The following PALLD variants were observed in gnomAD, a reference collection of about 807,000 sequenced individuals.
PALLD encodes palladin.
In PALLD, 61 loss-of-function variants were observed where a neutral mutation model predicts 123.5. That is an observed-to-expected ratio of 0.49 (90% confidence interval 0.40 to 0.61). PALLD has a LOEUF of 0.61. PALLD is among the 20% of genes least tolerant of loss of function. The pLI is 0.00. For synonymous variants in PALLD, 465 were observed against 496.4 expected, an observed-to-expected ratio of 0.94 and a Z score of 0.84; for missense variants, 1,273 against 1,377.0, an observed-to-expected ratio of 0.92 and a Z score of 1.20.
chr4:168,922,948 A>G (rs190056783), intron 18 of PALLD, among the ~76,000 whole-genome samples: 8 of 152,318 alleles, frequency 5.3e-5, no homozygotes, highest in Admixed American at 4.6e-4. Flanking sequence ...CTAGTGTGAC[A>G]TTTGGCAAAT....
intron 2 of PALLD, among the ~76,000 whole-genome samples, chr4:168,563,313 CA>C (rs1768046675): frequency 6.6e-6 from 1 of 152,132 alleles, no homozygotes. Flanking sequence ...TTACATAAGG[CA>C]GTTAAAGGCA....
At chr4:168,794,506 G>GCA (rs57496563) in intron 10 of PALLD, among the ~76,000 whole-genome samples, 7,185 of 143,784 alleles carry the variant, frequency 0.05, 175 homozygotes, top group Non-Finnish European at 0.061. Flanking sequence ...ACACACACAC[G>GCA]CACACACACA....
chr4:168,832,167 C>T (rs1744327959), intron 10 of PALLD: 20 of 985,500 alleles, frequency 2.0e-5, no homozygotes, highest in Non-Finnish European at 2.4e-5. Context: ...GCCCGGAGAG[C>T]CGAGGTAGGC....
intron 2 of PALLD, among the ~76,000 whole-genome samples, chr4:168,633,746 A>G (rs948607528): frequency 1.3e-5 from 2 of 152,134 alleles, no homozygotes; most frequent in Non-Finnish European, 1.5e-5. Context: ...TTTTCTTTAA[A>G]ACTCCCACTT....
intron 2 of PALLD, among the ~76,000 whole-genome samples, chr4:168,641,468 G>A (rs2149872283): frequency 6.6e-6 from 1 of 152,298 alleles, no homozygotes; most frequent in Non-Finnish European, 1.5e-5. Flanking sequence ...GATCCAGACA[G>A]TAGCTCAGAG....
chr4:168,581,106 C>T (rs1209574049), intron 2 of PALLD, among the ~76,000 whole-genome samples: 1 of 151,742 alleles, frequency 6.6e-6, no homozygotes, highest in Non-Finnish European at 1.5e-5. Flanking sequence ...CAAACCTGAA[C>T]ATGTACCCCT....
chr4:168,730,640 G>A (rs1312495877), intron 10 of PALLD, among the ~76,000 whole-genome samples: 8 of 152,016 alleles, frequency 5.3e-5, no homozygotes, highest in Non-Finnish European at 1.2e-4. Flanking sequence ...CTAGGATTGG[G>A]CAAGACCCCC....
chr4:168,576,684 C>T (rs550671997), intron 2 of PALLD, among the ~76,000 whole-genome samples: 8 of 152,072 alleles, frequency 5.3e-5, no homozygotes, highest in Admixed American at 2.0e-4. Context: ...TGAATAGTGC[C>T]GCAATAAACA....
At chr4:168,760,693 T>C (rs1424168458) in intron 10 of PALLD, among the ~76,000 whole-genome samples, 2 of 152,214 alleles carry the variant, frequency 1.3e-5, no homozygotes, top group Admixed American at 6.5e-5. Context: ...GGAAAATTCT[T>C]TGGCTTCAAA....
rs1255547039 is a variant in PALLD at position 168,694,986 on chromosome 4, TACTC to T, written c.1501+3700_1501+3703del. Among the ~76,000 whole-genome samples the T allele has an allele frequency of 7.2e-5, 11 of 152,368 alleles. No homozygotes were observed. The South Asian group carries it at 1.9e-3, about 26-fold the overall frequency. On this transcript the variant is annotated intron_variant, in intron 8 of 21. Coordinates refer to ENST00000505667, the MANE Select transcript of PALLD (RefSeq NM_001166108.2). ...TGACAGCTGTTAATACTCAGTCTCT[TACTC>T]ACTCAGCTGTCTGGAAACAGCCACA...
In PALLD at chr4:168,511,680, A is replaced by T; in HGVS notation, c.176A>T (p.Asp59Val). Residue 59 changes from aspartate to valine, a missense_variant, in exon 2 of 22, where the codon GAC becomes GTC. Transcript: ENST00000505667. ...GCCGACTCCGAAACAGAAGATTTTGACTCGGAAAAGGAGATCTCGCAGATT... is the reference window on the plus strand; with the variant it reads ...GCCGACTCCGAAACAGAAGATTTTGTCTCGGAAAAGGAGATCTCGCAGATT... ...AIADSETEDF[D>V]SEKEISQIFS... The T allele has an allele frequency of 6.2e-7, 1 of 1,614,060 alleles. No homozygotes were observed. Among genetic ancestry groups the T allele is most frequent in the Non-Finnish European group, 8.5e-7 (1 of 1,180,004 alleles).
intron 2 of PALLD, among the ~76,000 whole-genome samples, chr4:168,623,747 A>G (rs892993127): frequency 6.6e-6 from 1 of 152,254 alleles, no homozygotes; most frequent in African/African-American, 2.4e-5. Flanking sequence ...AGAAATTAAT[A>G]TAGTAAGAAA....
intron 10 of PALLD, among the ~76,000 whole-genome samples, chr4:168,797,282 A>C (rs1477892186): frequency 1.3e-5 from 2 of 152,040 alleles, no homozygotes; most frequent in African/African-American, 4.8e-5. Context: ...ATATCACCCC[A>C]TCCTGTTTTT....
chr4:168,853,848 A>G (rs1262634597), intron 10 of PALLD, among the ~76,000 whole-genome samples: 1 of 152,148 alleles, frequency 6.6e-6, no homozygotes, highest in Non-Finnish European at 1.5e-5. Flanking sequence ...GTGTGGGAGA[A>G]GTGTAGGAGA....
intron 2 of PALLD, among the ~76,000 whole-genome samples, chr4:168,597,229 T>C (rs150806568): frequency 3.7e-4 from 56 of 152,206 alleles, no homozygotes; most frequent in African/African-American, 1.3e-3. Context: ...ATATACCATA[T>C]ACTATTTATC....
chr4:168,560,502 T>G (rs1767758601), intron 2 of PALLD, among the ~76,000 whole-genome samples: 1 of 152,244 alleles, frequency 6.6e-6, no homozygotes, highest in Non-Finnish European at 1.5e-5. Context: ...TCTTAAAAGT[T>G]TCATTTAAAT....
chr4:168,896,878 C>T (rs2151242501), intron 13 of PALLD, among the ~76,000 whole-genome samples: 1 of 152,234 alleles, frequency 6.6e-6, no homozygotes, highest in South Asian at 2.1e-4. Context: ...GTTGCCCAGG[C>T]TGGAGTGCAA....
rs1405381875 is a variant in PALLD, at chr4:168,845,947, G to T, written c.1965-44975G>T. ...TTAGTTGTTAGTGAAAATCTCAGAGGTATCACAGATTTCAAATTAATGTGG... is the reference window on the plus strand; with the variant it reads ...TTAGTTGTTAGTGAAAATCTCAGAGTTATCACAGATTTCAAATTAATGTGG... On this transcript the variant is annotated intron_variant, in intron 10 of 21. Coordinates refer to ENST00000505667, the MANE Select transcript of PALLD (RefSeq NM_001166108.2). Among the ~76,000 whole-genome samples the T allele has an allele frequency of 3.3e-5, 5 of 152,162 alleles. No individual in the cohort carries two copies. In the East Asian group the frequency reaches 9.6e-4, roughly 29 times the overall value.
At chr4:168,587,351 G>A (rs1012832056) in intron 2 of PALLD, among the ~76,000 whole-genome samples, 2 of 152,082 alleles carry the variant, frequency 1.3e-5, no homozygotes, top group African/African-American at 2.4e-5. Flanking sequence ...TATTTTTCAC[G>A]TTTTGCTTGG....
Sources: allele counts gnomAD v4.1 joint callset (sites outside exome capture counted in the v4.1 genomes callset), GRCh38; gene constraint gnomAD v4.1.1; transcripts MANE v1.5; gene names NCBI Gene and HGNC (gene_info 2026-07-23, HGNC 2026-07-21).